ETS1: variants seen among roughly 807,000 people sequenced by gnomAD.
ETS1 encodes protein C-ets-1.
ETS1 carries 15 observed loss-of-function variants against 58.6 expected under a neutral mutation model. The observed-to-expected ratio is 0.26, with a 90% CI of 0.17 to 0.39. ETS1 has a LOEUF of 0.39. Among genes scored for constraint, ETS1 ranks in the 10% least tolerant of loss-of-function variants. The probability of loss-of-function intolerance (pLI) is 1.00; values close to 1 mark genes in which losing one functional copy is unlikely to be tolerated. For missense variants in ETS1, 417 were observed against 610.5 expected (o/e 0.68, Z 3.34); for synonymous variants, 214 against 218.2 (o/e 0.98, Z 0.17).
chr11:128,470,073 G>C (rs1325781502), intron 8 of ETS1, among the ~76,000 whole-genome samples: 1 of 152,192 alleles, frequency 6.6e-6, no homozygotes, highest in Non-Finnish European at 1.5e-5. Flanking sequence ...TGCTGAACAC[G>C]ATGATGAACA....
At chr11:128,482,760 T>C (rs943198794) in intron 7 of ETS1, among the ~76,000 whole-genome samples, 9 of 152,188 alleles carry the variant, frequency 5.9e-5, no homozygotes, top group African/African-American at 2.2e-4. Context: ...GGGAAACCTG[T>C]GTTCTCTAAA....
chr11:128,585,179 AAAGAAAGAAGGAAG>A (rs1864992673), intron 1 of ETS1, among the ~76,000 whole-genome samples: 2 of 71,974 alleles, frequency 2.8e-5, no homozygotes, highest in Admixed American at 1.3e-4. Flanking sequence ...AGAAAGAAAG[AAAGAAAGAAGGAAG>A]GAAAGAAAGA....
chr11:128,575,957 C>G (rs959610771), intron 1 of ETS1, among the ~76,000 whole-genome samples: 2 of 152,232 alleles, frequency 1.3e-5, no homozygotes, highest in Admixed American at 1.3e-4. Context: ...AACACTCCCC[C>G]TCATAGCAAC....
At chr11:128,487,122 C>A in intron 5 of ETS1, among the ~76,000 whole-genome samples, 1 of 152,176 alleles carries the variant, frequency 6.6e-6, no homozygotes, top group East Asian at 1.9e-4. Flanking sequence ...CCACCCCACC[C>A]CAAACAGCTA....
At chr11:128,525,619 G>GAAAAAAAAAAAAAAAAA (rs10554000) in intron 3 of ETS1, among the ~76,000 whole-genome samples, 2 of 75,818 alleles carry the variant, frequency 2.6e-5, no homozygotes, top group Non-Finnish European at 5.2e-5. Flanking sequence ...GTAAGATTTA[G>GAAAAAAAAAAAAAAAAA]AAAAAAAAAA....
chr11:128,580,106 A>C (rs1864835207), intron 1 of ETS1, among the ~76,000 whole-genome samples: 1 of 151,342 alleles, frequency 6.6e-6, no homozygotes, highest in South Asian at 2.1e-4. Context: ...AAGTACTTGA[A>C]ACAGAGTTGG....
chr11:128,522,238 G>T (rs1460636704), intron 3 of ETS1: 2 of 1,200,064 alleles, frequency 1.7e-6, no homozygotes, highest in African/African-American at 1.6e-5. Context: ...CCCGCGCCGC[G>T]CCCGCTCCTC....
intron 3 of ETS1, among the ~76,000 whole-genome samples, chr11:128,546,019 C>A (rs559517924): frequency 6.6e-6 from 1 of 152,220 alleles, no homozygotes; most frequent in African/African-American, 2.4e-5. Context: ...AAGGAGCTAG[C>A]CACTTTCATT....
intron 3 of ETS1, among the ~76,000 whole-genome samples, chr11:128,502,675 T>C (rs752570172): frequency 6.6e-6 from 1 of 152,234 alleles, no homozygotes; most frequent in South Asian, 2.1e-4. Flanking sequence ...TGGAATTTCA[T>C]CTTTTGCTCT....
At chr11:128,545,219 C>T (rs1047758288) in intron 3 of ETS1, among the ~76,000 whole-genome samples, 1 of 152,176 alleles carries the variant, frequency 6.6e-6, no homozygotes, top group African/African-American at 2.4e-5. Context: ...TAAAAGAAAT[C>T]AGGTAACAGT....
intron 3 of ETS1, among the ~76,000 whole-genome samples, chr11:128,540,206 A>C (rs906156373): frequency 6.6e-6 from 1 of 151,506 alleles, no homozygotes; most frequent in African/African-American, 2.4e-5. Context: ...CCAGCTACTC[A>C]GGAGTCTGAG....
At chr11:128,567,846 C>T (rs1007312996) in intron 2 of ETS1, among the ~76,000 whole-genome samples, 1 of 152,076 alleles carries the variant, frequency 6.6e-6, no homozygotes, top group African/African-American at 2.4e-5. Context: ...GTTGGCCAGG[C>T]TGGTCTCGAA....
Position 128,499,080 on chromosome 11 carries a change from A to T in ETS1, c.215-8504T>A, listed in dbSNP as rs1863018271. Among the ~76,000 whole-genome samples, 3 of 152,236 alleles carry T rather than the reference A, an allele frequency of 2.0e-5. No homozygotes were observed. The South Asian group carries it at 6.2e-4, about 31-fold the overall frequency. ...TTCTTCCCACATCTTACACTTCTGA[A>T]TGAGGAAAACTCCTGCCCTGCCTTC... On this transcript the variant is annotated intron_variant, in intron 3 of 9. Transcript: ENST00000392668.
chr11:128,501,524 A>C (rs1732946605), intron 3 of ETS1, among the ~76,000 whole-genome samples: 2 of 152,184 alleles, frequency 1.3e-5, no homozygotes, highest in Admixed American at 6.5e-5. Flanking sequence ...TATACCTTGA[A>C]TCTGTGCTCA....
At chr11:128,562,364 G>A (rs890391847) in intron 2 of ETS1, among the ~76,000 whole-genome samples, 6 of 152,170 alleles carry the variant, frequency 3.9e-5, no homozygotes, top group Admixed American at 2.6e-4. Context: ...AGCCGAGATC[G>A]TGCCATTGCA....
At chr11:128,537,657 T>C (rs925679562) in intron 3 of ETS1, among the ~76,000 whole-genome samples, 13 of 152,166 alleles carry the variant, frequency 8.5e-5, no homozygotes, top group Non-Finnish European at 1.8e-4. Flanking sequence ...CTGGGAAACC[T>C]ACTAAATAAG....
Position 128,566,509 on chromosome 11 carries a change from C to T in ETS1, c.69+6553G>A, listed in dbSNP as rs187448419. On this transcript the variant is annotated intron_variant, in intron 2 of 9. Transcript: ENST00000392668. ...CTAAAGAGTACCAGACAGGGCCGGG[C>T]GCAGTGGCTCACACCTGTAATCCCA... Among the ~76,000 whole-genome samples, 394 of 152,168 alleles carry T rather than the reference C, an allele frequency of 2.6e-3. 2 individuals carry two copies. Among genetic ancestry groups the T allele is most frequent in the African/African-American group, 8.7e-3 (362 of 41,502 alleles).
At chr11:128,526,537 C>A (rs80295753) in intron 3 of ETS1, 7 of 217,758 alleles carry the variant, frequency 3.2e-5, no homozygotes, top group Admixed American at 3.2e-4. Flanking sequence ...CTACAGCCAT[C>A]TCTTTGCAGA....
intron 3 of ETS1, among the ~76,000 whole-genome samples, chr11:128,553,693 C>G (rs1425752025): frequency 6.6e-6 from 1 of 152,014 alleles, no homozygotes; most frequent in Non-Finnish European, 1.5e-5. Context: ...ACACTCCCGC[C>G]ACCCTCCTCC....
Sources: gnomAD v4.1 joint callset for allele counts (sites outside exome capture counted in the v4.1 genomes callset) on GRCh38, gnomAD v4.1.1 for gene constraint, MANE v1.5 for transcripts, NCBI Gene and HGNC (gene_info 2026-07-23, HGNC 2026-07-21) for gene names.